RABGAP1L: variants seen among roughly 807,000 people sequenced by gnomAD.
RABGAP1L encodes the protein RAB GTPase activating protein 1 like, also known as rab GTPase-activating protein 1-like.
RABGAP1L carries 63 observed loss-of-function variants against 137.7 expected under a neutral mutation model. That is an observed-to-expected ratio of 0.46 (90% CI 0.37 to 0.56). RABGAP1L has a LOEUF of 0.56. Ranked by LOEUF, RABGAP1L falls within the 20% of genes least tolerant of loss-of-function variation. The pLI is 0.00. For synonymous variants in RABGAP1L, 431 were observed against 433.7 expected (o/e 0.99, Z 0.08); for missense variants, 1,095 against 1,244.0 (o/e 0.88, Z 1.80).
In RABGAP1L at chr1:174,550,913, C is replaced by CATAT. The variant is rs1558333904; in HGVS notation, c.1711-86461_1711-86460insTATA. 6.8e-4 allele frequency among the ~76,000 whole-genome samples: 41 copies of CATAT among 60,192 alleles called. 1 individual carries two copies. The highest frequency in any genetic ancestry group is 3.8e-3 in the African/African-American group (31 of 8,076). The allele number at this position is 60,192 out of a possible 152,430, so 39.5% of individuals were successfully genotyped here. On this transcript the variant is annotated intron_variant, in intron 13 of 25. Coordinates refer to ENST00000681986, the MANE Select transcript of RABGAP1L (RefSeq NM_001366446.1). ...ATATATATACACACACACATATACA[C>CATAT]ACACACACATATATATATACACATA...
intron 7 of RABGAP1L, among the ~76,000 whole-genome samples, chr1:174,260,925 C>T (rs75794924): frequency 0.015 from 2,289 of 151,330 alleles, 30 homozygotes; most frequent in Middle Eastern, 0.065. Context: ...CCAAGTATTA[C>T]TTCTTATTTC....
chr1:174,781,077 A>G (rs1382461158), intron 18 of RABGAP1L, among the ~76,000 whole-genome samples: 2 of 152,168 alleles, frequency 1.3e-5, no homozygotes, highest in African/African-American at 2.4e-5. Context: ...TCCTTTGGGT[A>G]TATACCCAGT....
Position 174,323,304 on chromosome 1 carries a change from T to C in RABGAP1L, c.1465+18177T>C, listed in dbSNP as rs560429422. On this transcript the variant is annotated intron_variant, in intron 11 of 25. Coordinates refer to ENST00000681986, the MANE Select transcript of RABGAP1L (RefSeq NM_001366446.1). ...GAAGATTCAAAAAAATTTAAGTAAA[T>C]CATTTGAGATCATAGGGATAATAAA... Among the ~76,000 whole-genome samples, 263 of 152,102 alleles carry C rather than the reference T, an allele frequency of 1.7e-3. 1 individual carries two copies. The highest frequency in any genetic ancestry group is 2.9e-3 in the Non-Finnish European group (200 of 67,956).
intron 11 of RABGAP1L, among the ~76,000 whole-genome samples, chr1:174,320,739 G>A (rs1482182834): frequency 6.6e-6 from 1 of 152,162 alleles, no homozygotes; most frequent in Non-Finnish European, 1.5e-5. Flanking sequence ...TCCTATGCCT[G>A]TCTTTAATCT....
intron 13 of RABGAP1L, among the ~76,000 whole-genome samples, chr1:174,409,360 T>TA (rs1044367711): frequency 1.1e-4 from 17 of 152,334 alleles, no homozygotes; most frequent in African/African-American, 3.8e-4. Flanking sequence ...ACACCTGTCT[T>TA]ACTTTAATCT....
At chr1:174,161,564 T>G (rs1374455897) in intron 1 of RABGAP1L, among the ~76,000 whole-genome samples, 1 of 151,910 alleles carries the variant, frequency 6.6e-6, no homozygotes, top group African/African-American at 2.4e-5. Flanking sequence ...GTAAGTCATA[T>G]GGGGAGAAGT....
intron 13 of RABGAP1L, among the ~76,000 whole-genome samples, chr1:174,527,211 T>TTTG (rs1182595059): frequency 6.7e-6 from 1 of 150,374 alleles, no homozygotes; most frequent in Non-Finnish European, 1.5e-5. Flanking sequence ...TTTGTTTTTT[T>TTTG]TTTTTTTTTT....
At chr1:174,888,918 A>G (rs977255844) in intron 19 of RABGAP1L, among the ~76,000 whole-genome samples, 1 of 152,216 alleles carries the variant, frequency 6.6e-6, no homozygotes, top group African/African-American at 2.4e-5. Context: ...AGTTACAATC[A>G]TAATCTTCAA....
intron 10 of RABGAP1L, among the ~76,000 whole-genome samples, chr1:174,298,148 G>A (rs1353637308): frequency 6.6e-6 from 1 of 152,162 alleles, no homozygotes; most frequent in Non-Finnish European, 1.5e-5. Flanking sequence ...CTAGAAAGAG[G>A]GGAGCAGGCG....
At chr1:174,973,984 T>TTG (rs1558297428) in intron 21 of RABGAP1L, among the ~76,000 whole-genome samples, 5 of 66,404 alleles carry the variant, frequency 7.5e-5, no homozygotes, top group African/African-American at 2.3e-4. Context: ...TTTTTGTTTT[T>TTG]TTTTTTTTTT....
At chr1:174,434,855 A>T (rs1653072424) in intron 13 of RABGAP1L, among the ~76,000 whole-genome samples, 1 of 152,042 alleles carries the variant, frequency 6.6e-6, no homozygotes, top group African/African-American at 2.4e-5. Flanking sequence ...AAATTGTAGG[A>T]GTCAGTTATA....
At position 174,988,747 on chromosome 1, in the gene RABGAP1L, A is replaced by G. The variant is rs1301768613; in HGVS notation, c.2912A>G (p.Glu971Gly). ...GACCAGGGAATTGAAACAGATGATG[A>G]GAAGGACTCACTTAAGAAGCAGCTG... ...REDQGIETDD[E>G]KDSLKKQLRE... Residue 971 changes from glutamate to glycine, a missense_variant, in exon 25 of 26, where the codon GAG becomes GGG. Transcript: ENST00000681986. 4 of 1,550,120 alleles carry G rather than the reference A, an allele frequency of 2.6e-6. No homozygotes were observed. In the Middle Eastern group the frequency reaches 5.0e-4, roughly 193 times the overall value.
intron 12 of RABGAP1L, among the ~76,000 whole-genome samples, chr1:174,378,613 G>A (rs1164644227): frequency 6.6e-5 from 10 of 152,118 alleles, no homozygotes; most frequent in South Asian, 2.1e-4. Context: ...CATGTCCTTC[G>A]CCCACTTTTT....
chr1:174,925,949 C>T (rs1662770499), intron 19 of RABGAP1L, among the ~76,000 whole-genome samples: 1 of 136,706 alleles, frequency 7.3e-6, no homozygotes, highest in African/African-American at 2.6e-5. Flanking sequence ...ACTGCAACCT[C>T]TCCTCCCAGG....
At chr1:174,327,223 A>G (rs1039396293) in intron 11 of RABGAP1L, among the ~76,000 whole-genome samples, 1 of 152,212 alleles carries the variant, frequency 6.6e-6, no homozygotes, top group African/African-American at 2.4e-5. Flanking sequence ...CTTCGTTGTT[A>G]GGAAGGGTTA....
rs1553330240 is a variant in RABGAP1L, at chr1:174,550,983, C to CATATATATACATATAT, written c.1711-86383_1711-86382insCATATATATATATATA. ...ACACATATATATACATGTATATATA[C>CATATATATACATATAT]ATATATATATATACACATATATATA... is the stretch of plus-strand genomic sequence containing the variant. On this transcript the variant is annotated intron_variant, in intron 13 of 25. Coordinates refer to ENST00000681986, the MANE Select transcript of RABGAP1L (RefSeq NM_001366446.1). Among the ~76,000 whole-genome samples, 45 of 83,424 alleles carry CATATATATACATATAT rather than the reference C, an allele frequency of 5.4e-4. 1 individual carries two copies. The highest frequency in any genetic ancestry group is 3.1e-3 in the African/African-American group (32 of 10,184). The allele number at this position is 83,424 out of a possible 152,430, so 54.7% of individuals were successfully genotyped here.
intron 14 of RABGAP1L, among the ~76,000 whole-genome samples, chr1:174,640,467 A>C (rs1674440508): frequency 2.0e-5 from 3 of 152,196 alleles, no homozygotes; most frequent in Admixed American, 1.3e-4. Flanking sequence ...GTAACCTTTA[A>C]GGCTTAAAGG....
intron 19 of RABGAP1L, among the ~76,000 whole-genome samples, chr1:174,818,618 G>A (rs895186124): frequency 6.6e-6 from 1 of 152,168 alleles, no homozygotes; most frequent in Non-Finnish European, 1.5e-5. Flanking sequence ...GCTCACACCT[G>A]TAATCCCAAC....
In RABGAP1L at chr1:174,448,230, G is replaced by A; in HGVS notation, c.1710+54085G>A. ...GGCCACTACAGTGTGGTGGATGTCT[G>A]CATCTTCGAGACAGTGGTTATTGTG... On this transcript the variant is annotated intron_variant, in intron 13 of 25. Transcript: ENST00000681986. This position sits in a 1 kb window ranked among gnomAD's most constrained non-coding sequence, Gnocchi z 4.2. 1 of 1,614,058 alleles carries A rather than the reference G, an allele frequency of 6.2e-7. No homozygotes were observed. The highest frequency in any genetic ancestry group is 1.1e-5 in the South Asian group (1 of 91,076).
Sources: gnomAD v4.1 joint callset for allele counts (sites outside exome capture counted in the v4.1 genomes callset) on GRCh38, gnomAD v4.1.1 for gene constraint, Gnocchi (gnomAD v3.1) non-coding constraint, MANE v1.5 for transcripts, NCBI Gene and HGNC (gene_info 2026-07-23, HGNC 2026-07-21) for gene names.